GINS2: variants seen among roughly 807,000 people sequenced by gnomAD.
GINS2 encodes DNA replication complex GINS protein PSF2.
GINS2 carries 23 observed loss-of-function variants against 21.2 expected under a neutral mutation model. That is an observed-to-expected ratio of 1.08 (90% CI 0.78 to 1.53). The LOEUF (loss-of-function observed/expected upper bound fraction) is 1.53. Among genes scored for constraint, GINS2 ranks in the 40% most tolerant of loss-of-function variants. The pLI is 0.00. For synonymous variants in GINS2, 118 were observed against 85.6 expected (o/e 1.38, Z -2.09); for missense variants, 323 against 233.9 (o/e 1.38, Z -2.49).
chr16:85,681,751 C>A, intron 2 of GINS2, 70 bp from the exon 3 acceptor site: 1 of 920,628 alleles, frequency 1.1e-6, no homozygotes, highest in Admixed American at 2.2e-5. Context: ...TCCAAATTTA[C>A]CAAGTGCCTA....
intron 2 of GINS2, among the ~76,000 whole-genome samples, chr16:85,685,371 C>A (rs1386590509): frequency 6.6e-6 from 1 of 152,022 alleles, no homozygotes; most frequent in Non-Finnish European, 1.5e-5. Context: ...GCCTGGTGAG[C>A]CTCTCCTCTA....
At chr16:85,683,653 C>G (rs937577416) in intron 2 of GINS2, among the ~76,000 whole-genome samples, 2 of 152,226 alleles carry the variant, frequency 1.3e-5, no homozygotes, top group African/African-American at 4.8e-5. Context: ...CTTCAAAACA[C>G]ACCTAGACAC....
intron 3 of GINS2, 130 bp from the exon 4 acceptor site, chr16:85,678,796 C>T (rs1234765695): frequency 3.5e-6 from 3 of 867,892 alleles, no homozygotes; most frequent in Admixed American, 2.4e-5. Context: ...GCTTTATTTT[C>T]AACTTTAGGG....
chr16:85,685,124 A>G (rs1216603719), intron 2 of GINS2, among the ~76,000 whole-genome samples: 2 of 152,210 alleles, frequency 1.3e-5, no homozygotes, highest in Non-Finnish European at 2.9e-5. Context: ...TGCAGAAGTC[A>G]GGAGGCAGCA....
rs780742906 is a variant in GINS2 at position 85,688,804 on chromosome 16, C to G, written c.90+5G>C. ...TCCCCTCCCCACGGCGGGCCCAGGC[C>G]TCACCCCGATGAGGTAGATCTTGTC... On this transcript the variant is annotated splice_donor_5th_base_variant and intron_variant, in intron 1 of 4. Transcript: ENST00000253462. 3.9e-6 allele frequency: 6 copies of G among 1,520,300 alleles called. No individual in the cohort carries two copies. The South Asian group carries it at 7.3e-5, about 19-fold the overall frequency. The allele number at this position is 1,520,300 out of a possible 1,614,324, so 94.2% of individuals were successfully genotyped here. A position where few individuals can be genotyped will look rare whatever the true frequency, so the allele number is the denominator to read the frequency against.
chr16:85,679,034 G>A (rs1030474983), intron 3 of GINS2, among the ~76,000 whole-genome samples: 1 of 152,142 alleles, frequency 6.6e-6, no homozygotes. Flanking sequence ...CTCAAAGGTC[G>A]AGTTCTATTG....
chr16:85,684,968 T>C (rs1259501233), intron 2 of GINS2, among the ~76,000 whole-genome samples: 1 of 152,004 alleles, frequency 6.6e-6, no homozygotes, highest in Admixed American at 6.6e-5. Flanking sequence ...TTGTATTTTT[T>C]AGTAGAGACA....
chr16:85,688,938 G>C lies in GINS2; in HGVS notation c.-40C>G, dbSNP rs201895391. ...CAGGCCAGAGCCTCACGGTCTCCTC[G>C]GGCCCCTCAGCGTCCCGGAGGAGAC... On this transcript the variant is annotated 5_prime_UTR_variant, in exon 1 of 5. Coordinates refer to ENST00000253462, the MANE Select transcript of GINS2 (RefSeq NM_016095.3). 165 of 1,412,044 alleles carry C rather than the reference G, an allele frequency of 1.2e-4. No homozygotes were observed. Among genetic ancestry groups the C allele is most frequent in the African/African-American group, 7.2e-4 (49 of 68,140 alleles). The allele number at this position is 1,412,044 out of a possible 1,614,324, so 87.5% of individuals were successfully genotyped here.
intron 1 of GINS2, 108 bp from the exon 2 acceptor site, chr16:85,687,682 C>A: frequency 3.3e-6 from 2 of 605,630 alleles, no homozygotes; most frequent in Non-Finnish European, 5.6e-6. Flanking sequence ...GGCTGAAGTC[C>A]AAATGCAAAT....
At chr16:85,681,732 A>T (rs1447037801) in intron 2 of GINS2, 51 bp from the exon 3 acceptor site, 1 of 1,146,354 alleles carries the variant, frequency 8.7e-7, no homozygotes, top group Non-Finnish European at 1.3e-6. Context: ...CAAGATATTT[A>T]TTAAACCTTC....
In GINS2 at chr16:85,688,876, A is replaced by T; in HGVS notation, c.23T>A (p.Phe8Tyr). The change falls in exon 1 of 5, where the codon TTC becomes TAC. Residue 8 changes from phenylalanine (F) to tyrosine (Y), a missense_variant. Coordinates refer to ENST00000253462, the MANE Select transcript of GINS2 (RefSeq NM_016095.3). MDAAEVE[F>Y]LAEKELVTII... is the part of the protein sequence containing the mutation. ...GGTAACCAGCTCCTTCTCGGCGAGGAATTCGACCTCGGCAGCGTCCATGGC... is the reference window on the plus strand; with the variant it reads ...GGTAACCAGCTCCTTCTCGGCGAGGTATTCGACCTCGGCAGCGTCCATGGC... The T allele has an allele frequency of 6.5e-7, 1 of 1,542,052 alleles. No homozygotes were observed. The highest frequency in any genetic ancestry group is 1.2e-5 in the South Asian group (1 of 82,928).
intron 2 of GINS2, among the ~76,000 whole-genome samples, 167 bp from the exon 3 acceptor site, chr16:85,681,848 G>T (rs558662607): frequency 6.6e-6 from 1 of 152,094 alleles, no homozygotes; most frequent in East Asian, 1.9e-4. Context: ...GATGATTTGA[G>T]GCCTCCTCCT....
chr16:85,684,488 A>G (rs1011525487), intron 2 of GINS2, among the ~76,000 whole-genome samples: 1 of 152,166 alleles, frequency 6.6e-6, no homozygotes, highest in Admixed American at 6.5e-5. Flanking sequence ...CCTGGGCAAC[A>G]GAGAAATCCC....
chr16:85,676,773 T>G lies in GINS2; in HGVS notation c.*1439A>C, dbSNP rs1268417191. 2 of 152,162 alleles carry G rather than the reference T, an allele frequency of 1.3e-5. No individual in the cohort carries two copies. The highest frequency in any genetic ancestry group is 2.9e-5 in the Non-Finnish European group (2 of 68,036). 9.4% of individuals were successfully genotyped at this position (152,162 alleles called of 1,614,324 possible). A position where few individuals can be genotyped will look rare whatever the true frequency, so the allele number is the denominator to read the frequency against. Reference sequence around the variant, plus strand: ...GGGAGGCTGTGGTGGGAGAACTGTGTGAACCCAGGAGTTCGAGGCTGCAGT... The same window carrying G: ...GGGAGGCTGTGGTGGGAGAACTGTGGGAACCCAGGAGTTCGAGGCTGCAGT... On this transcript the variant is annotated 3_prime_UTR_variant, in exon 5 of 5. Coordinates refer to ENST00000253462, the MANE Select transcript of GINS2 (RefSeq NM_016095.3).
intron 2 of GINS2, among the ~76,000 whole-genome samples, chr16:85,682,661 G>T (rs576978106): frequency 6.6e-5 from 10 of 152,218 alleles, no homozygotes; most frequent in African/African-American, 2.4e-4. Context: ...ATCCTAGAGG[G>T]GTGAAAGCCC....
In GINS2 at chr16:85,676,509, C is replaced by G. The variant is rs1277737518; in HGVS notation, c.*1703G>C. The G allele has an allele frequency of 6.6e-6, 1 of 152,274 alleles. No homozygotes were observed. Among genetic ancestry groups the G allele is most frequent in the Non-Finnish European group, 1.5e-5 (1 of 68,082 alleles). The allele number at this position is 152,274 out of a possible 1,614,324, so 9.4% of individuals were successfully genotyped here. On this transcript the variant is annotated 3_prime_UTR_variant, in exon 5 of 5. Coordinates refer to ENST00000253462, the MANE Select transcript of GINS2 (RefSeq NM_016095.3). ...TCTTCCAGGTCTGACCCTTCAGTGT[C>G]CAAATAACCACCAAAACCTGCCTGG...
At chr16:85,681,243 T>C (rs1185678603) in intron 3 of GINS2, among the ~76,000 whole-genome samples, 2 of 152,230 alleles carry the variant, frequency 1.3e-5, no homozygotes, top group African/African-American at 4.8e-5. Context: ...CTACTGCCGA[T>C]TCTGTGAGAT....
At chr16:85,679,121 A>T (rs2053711144) in intron 3 of GINS2, among the ~76,000 whole-genome samples, 1 of 152,172 alleles carries the variant, frequency 6.6e-6, no homozygotes, top group East Asian at 1.9e-4. Context: ...AGAGAAGGAA[A>T]ACGCCAACTC....
At chr16:85,678,387 A>C (rs779813756) in intron 4 of GINS2, 50 bp from the exon 5 acceptor site, 2 of 1,603,174 alleles carry the variant, frequency 1.2e-6, no homozygotes, top group Non-Finnish European at 1.7e-6. Flanking sequence ...TGATTTTGAG[A>C]AAAAGGTAAA....
Sources: gnomAD v4.1 joint callset for allele counts (sites outside exome capture counted in the v4.1 genomes callset) on GRCh38, gnomAD v4.1.1 for gene constraint, MANE v1.5 for transcripts, NCBI Gene and HGNC (gene_info 2026-07-23, HGNC 2026-07-21) for gene names.